The following CERKL variants were observed in gnomAD, a reference collection of about 807,000 sequenced individuals.
CERKL encodes the protein CERK like autophagy regulator.
In CERKL, 61 loss-of-function variants were observed where a neutral mutation model predicts 63.4. The observed-to-expected ratio is 0.96, with a 90% confidence interval of 0.78 to 1.19. CERKL has a LOEUF of 1.19. CERKL is among the 50% of genes most tolerant of loss of function. The pLI is 0.00. For missense variants in CERKL, 675 were observed against 655.5 expected (o/e 1.03, Z -0.33); for synonymous variants, 250 against 230.5 (o/e 1.08, Z -0.77).
chr2:181,640,788 AC>A (rs1304856846), intron 1 of CERKL, among the ~76,000 whole-genome samples: 1 of 151,952 alleles, frequency 6.6e-6, no homozygotes, highest in East Asian at 1.9e-4. Context: ...ACTTTGGACA[AC>A]CCCATCTGGA....
chr2:181,625,353 G>C (rs1188677061), intron 1 of CERKL, among the ~76,000 whole-genome samples: 1 of 151,798 alleles, frequency 6.6e-6, no homozygotes, highest in Non-Finnish European at 1.5e-5. Context: ...TAGAAAGTTG[G>C]GGGGTGGGGT....
chr2:181,647,922 A>C (rs903518911), intron 1 of CERKL, among the ~76,000 whole-genome samples: 1 of 152,176 alleles, frequency 6.6e-6, no homozygotes, highest in African/African-American at 2.4e-5. Context: ...AGAAATCTGA[A>C]GAATGCAGTG....
chr2:181,543,172 G>C (rs897963006), intron 11 of CERKL, among the ~76,000 whole-genome samples: 2 of 152,160 alleles, frequency 1.3e-5, no homozygotes, highest in Non-Finnish European at 2.9e-5. Flanking sequence ...TAATCTTGAG[G>C]AACATGGAAT....
intron 4 of CERKL, among the ~76,000 whole-genome samples, chr2:181,560,162 A>C (rs1389593894): frequency 6.6e-6 from 1 of 152,156 alleles, no homozygotes; most frequent in East Asian, 1.9e-4. Context: ...TGATTTCAAA[A>C]ATCTCTATGA....
chr2:181,580,154 T>C (rs1304122324), intron 2 of CERKL, among the ~76,000 whole-genome samples: 1 of 151,968 alleles, frequency 6.6e-6, no homozygotes, highest in Non-Finnish European at 1.5e-5. Context: ...GATCAAATAA[T>C]ACTTTTGTGA....
Position 181,635,672 on chromosome 2 carries a change from T to C in CERKL, c.238+21097A>G, listed in dbSNP as rs186069654. 5.9e-5 allele frequency among the ~76,000 whole-genome samples: 9 copies of C among 152,318 alleles called. No homozygotes were observed. The East Asian group carries it at 1.3e-3, about 23-fold the overall frequency. On this transcript the variant is annotated intron_variant, in intron 1 of 12. Transcript: ENST00000410087. The stretch of plus-strand genomic sequence containing the variant: ...GATGGACACTAAACAGTGCTTTGAA[T>C]TATGTTTGTAACATTTAGTAAACTT...
chr2:181,599,787 C>A (rs947452309), intron 2 of CERKL, among the ~76,000 whole-genome samples: 1 of 151,988 alleles, frequency 6.6e-6, no homozygotes, highest in Non-Finnish European at 1.5e-5. Context: ...ATATTTGAGG[C>A]AATAATTCAG....
At chr2:181,632,122 C>T (rs1559115425) in intron 1 of CERKL, among the ~76,000 whole-genome samples, 1 of 152,106 alleles carries the variant, frequency 6.6e-6, no homozygotes, top group Non-Finnish European at 1.5e-5. Context: ...TTTGCCTTTG[C>T]CAAATCTAAA....
chr2:181,653,979 G>A (rs961810025), intron 1 of CERKL, among the ~76,000 whole-genome samples: 2 of 152,086 alleles, frequency 1.3e-5, no homozygotes, highest in Non-Finnish European at 2.9e-5. Flanking sequence ...TTGGATAATT[G>A]TACAACGTAA....
chr2:181,650,864 C>A (rs570112258), intron 1 of CERKL, among the ~76,000 whole-genome samples: 20 of 151,794 alleles, frequency 1.3e-4, no homozygotes, highest in South Asian at 8.4e-4. Flanking sequence ...GAAATAGAGA[C>A]TAAAAATAAT....
chr2:181,622,219 C>T (rs1686486759), intron 1 of CERKL, among the ~76,000 whole-genome samples: 1 of 152,148 alleles, frequency 6.6e-6, no homozygotes. Flanking sequence ...CACAAATCTA[C>T]ACTAAAGTAG....
intron 4 of CERKL, among the ~76,000 whole-genome samples, chr2:181,563,935 G>C (rs901407596): frequency 1.3e-5 from 2 of 151,994 alleles, no homozygotes; most frequent in Admixed American, 6.6e-5. Context: ...AACCTTTTTG[G>C]TACCAAGGAC....
Position 181,549,631 on chromosome 2 carries a change from T to C in CERKL, c.895+3A>G, listed in dbSNP as rs12623687. 193,449 of 1,593,064 alleles carry C rather than the reference T, an allele frequency of 0.12. 13,141 individuals carry two copies. The highest frequency in any genetic ancestry group is 0.22 in the East Asian group (9,881 of 44,562). ...ATATGAACTGCTTTGGAAGAATTCT[T>C]ACCCATTATAATGTGCAATGTTGCA... is the stretch of plus-strand genomic sequence containing the variant. On this transcript the variant is annotated splice_donor_region_variant and intron_variant, in intron 6 of 12. Transcript: ENST00000410087.
intron 4 of CERKL, among the ~76,000 whole-genome samples, chr2:181,563,620 C>T (rs942944521): frequency 1.8e-4 from 27 of 150,630 alleles, no homozygotes; most frequent in Non-Finnish European, 2.4e-4. Flanking sequence ...CTCATCTCTG[C>T]ACCTTTTCTA....
At chr2:181,596,493 C>G (rs149026448) in intron 2 of CERKL, among the ~76,000 whole-genome samples, 1 of 152,240 alleles carries the variant, frequency 6.6e-6, no homozygotes, top group Non-Finnish European at 1.5e-5. Flanking sequence ...TGTTGATGGA[C>G]AAAGAGAAAC....
intron 2 of CERKL, among the ~76,000 whole-genome samples, chr2:181,585,441 T>C (rs1237492682): frequency 6.6e-6 from 1 of 152,212 alleles, no homozygotes; most frequent in Non-Finnish European, 1.5e-5. Context: ...TTTAAATTGG[T>C]ATTTTATAAA....
At chr2:181,614,317 A>G (rs111281498) in intron 1 of CERKL, among the ~76,000 whole-genome samples, 7 of 152,212 alleles carry the variant, frequency 4.6e-5, no homozygotes, top group African/African-American at 1.7e-4. Context: ...ACTGCAAAAC[A>G]TTTATTTTTT....
At position 181,537,211 on chromosome 2, in the gene CERKL, G is replaced by A. The variant is rs1559063081; in HGVS notation, c.*973C>T. The A allele has an allele frequency of 2.2e-6, 1 of 452,944 alleles. No individual in the cohort carries two copies. The allele number at this position is 452,944 out of a possible 1,614,324, so 28.1% of individuals were successfully genotyped here. On this transcript the variant is annotated 3_prime_UTR_variant, in exon 13 of 13. Transcript: ENST00000410087. ...AGATGAAAAATCAAGCCCCGATTTA[G>A]AACTGTCTTCTCCAGGATGGTCTCT...
rs934643895 is a variant in CERKL at position 181,547,606 on chromosome 2, A to T, written c.1268+12T>A. ...GAAATGTATCAACAATTCAATAAAAATGCTTACTAACCTGGTATTAGGTGC... is the reference window on the plus strand; with the variant it reads ...GAAATGTATCAACAATTCAATAAAATTGCTTACTAACCTGGTATTAGGTGC... On this transcript the variant is annotated intron_variant, in intron 10 of 12. Coordinates refer to ENST00000410087, the MANE Select transcript of CERKL (RefSeq NM_201548.5). 2.5e-5 allele frequency: 40 copies of T among 1,607,628 alleles called. No homozygotes were observed. Among genetic ancestry groups the T allele is most frequent in the Non-Finnish European group, 3.4e-5 (40 of 1,174,364 alleles).
Sources: allele counts gnomAD v4.1 joint callset (sites outside exome capture counted in the v4.1 genomes callset), GRCh38; gene constraint gnomAD v4.1.1; transcripts MANE v1.5; gene names NCBI Gene and HGNC (gene_info 2026-07-23, HGNC 2026-07-21).